The following CDC42SE2 variants were observed in gnomAD, a reference collection of about 807,000 sequenced individuals.
CDC42SE2 encodes the protein CDC42 small effector protein 2.
In CDC42SE2, 3 loss-of-function variants were observed where a neutral mutation model predicts 11.5. The ratio of observed to expected loss-of-function variants is 0.26; its 90% confidence interval spans 0.12 to 0.67. The LOEUF (loss-of-function observed/expected upper bound fraction) is 0.67, where lower values mean the gene tolerates loss of function less well. Ranked by LOEUF, CDC42SE2 falls within the 30% of genes least tolerant of loss-of-function variation. The probability of loss-of-function intolerance (pLI) is 0.80; values close to 1 mark genes in which losing one functional copy is unlikely to be tolerated. For missense variants in CDC42SE2, 82 were observed against 106.8 expected (o/e 0.77, Z 1.02); for synonymous variants, 33 against 34.8 (o/e 0.95, Z 0.18).
the CDC42SE2 span, among the ~76,000 whole-genome samples, chr5:131,219,905 C>G: frequency 6.6e-6 from 1 of 152,086 alleles, no homozygotes; most frequent in East Asian, 1.9e-4. Context: ...CCACTGCACT[C>G]CAGCCTGGGC....
At chr5:131,220,413 G>A in the CDC42SE2 span, among the ~76,000 whole-genome samples, 2 of 152,076 alleles carry the variant, frequency 1.3e-5, no homozygotes, top group Non-Finnish European at 2.9e-5. Flanking sequence ...CACCGTGTTA[G>A]CCAGGATGGT....
At chr5:131,256,443 A>T (rs1756680700) in intron 2 of CDC42SE2, among the ~76,000 whole-genome samples, 1 of 152,190 alleles carries the variant, frequency 6.6e-6, no homozygotes, top group Admixed American at 6.5e-5. Flanking sequence ...GTGACAAATT[A>T]ATATAAACTT....
chr5:131,379,192 T>C (rs1295748928), intron 3 of CDC42SE2, among the ~76,000 whole-genome samples: 1 of 152,246 alleles, frequency 6.6e-6, no homozygotes, highest in African/African-American at 2.4e-5. Flanking sequence ...AAGTTCCAGC[T>C]TTTTTCACTG....
intron 2 of CDC42SE2, among the ~76,000 whole-genome samples, chr5:131,327,826 G>A (rs1232447104): frequency 6.6e-6 from 1 of 152,134 alleles, no homozygotes; most frequent in Admixed American, 6.6e-5. Context: ...TACATAATAT[G>A]TGATATACAT....
chr5:131,327,941 A>G (rs1011705117), intron 2 of CDC42SE2, among the ~76,000 whole-genome samples: 16 of 152,160 alleles, frequency 1.1e-4, no homozygotes, highest in African/African-American at 3.9e-4. Context: ...AATGAACCAG[A>G]AGTGTATTGG....
intron 2 of CDC42SE2, among the ~76,000 whole-genome samples, chr5:131,341,358 C>T (rs935569810): frequency 7.2e-5 from 11 of 152,166 alleles, no homozygotes; most frequent in African/African-American, 2.4e-4. Flanking sequence ...TCTCACAACC[C>T]TGGAAGTTAG....
chr5:131,267,609 A>C (rs953496097), intron 1 of CDC42SE2, among the ~76,000 whole-genome samples: 1 of 152,166 alleles, frequency 6.6e-6, no homozygotes, highest in African/African-American at 2.4e-5. Flanking sequence ...GTGATTAATA[A>C]AGTGATTAAT....
At chr5:131,362,934 C>G (rs1408787834) in intron 3 of CDC42SE2, among the ~76,000 whole-genome samples, 1 of 151,972 alleles carries the variant, frequency 6.6e-6, no homozygotes, top group Non-Finnish European at 1.5e-5. Context: ...ATTGCCTGAG[C>G]TCAGGAGTTC....
intron 3 of CDC42SE2, among the ~76,000 whole-genome samples, chr5:131,372,929 A>G (rs1315420538): frequency 6.6e-6 from 1 of 152,184 alleles, no homozygotes; most frequent in Non-Finnish European, 1.5e-5. Flanking sequence ...TGCTCTTATT[A>G]TGGATGTTGA....
intron 2 of CDC42SE2, among the ~76,000 whole-genome samples, chr5:131,356,058 G>A (rs1171994866): frequency 6.6e-6 from 1 of 152,166 alleles, no homozygotes; most frequent in African/African-American, 2.4e-5. Flanking sequence ...GTTCCATGAT[G>A]TTCTCTTTAA....
At chr5:131,225,430 A>G in the CDC42SE2 span, among the ~76,000 whole-genome samples, 2 of 152,234 alleles carry the variant, frequency 1.3e-5, no homozygotes, top group South Asian at 2.1e-4. Flanking sequence ...CAAGGTCAAG[A>G]TTTCTGAAAA....
intron 1 of CDC42SE2, among the ~76,000 whole-genome samples, chr5:131,280,300 C>T (rs1326693673): frequency 6.6e-6 from 1 of 152,148 alleles, no homozygotes; most frequent in Non-Finnish European, 1.5e-5. Flanking sequence ...AATCCTACCA[C>T]CCTAAAATAT....
At chr5:131,378,508 T>C (rs2149784755) in intron 3 of CDC42SE2, among the ~76,000 whole-genome samples, 1 of 152,268 alleles carries the variant, frequency 6.6e-6, no homozygotes, top group East Asian at 1.9e-4. Flanking sequence ...ATTTCAGAGG[T>C]TCCCAAACTT....
At chr5:131,286,998 T>C (rs1189499233) in intron 1 of CDC42SE2, among the ~76,000 whole-genome samples, 1 of 152,058 alleles carries the variant, frequency 6.6e-6, no homozygotes, top group Non-Finnish European at 1.5e-5. Context: ...ACTATTTTAT[T>C]CTATTTTATT....
chr5:131,214,027 G>C, the CDC42SE2 span, among the ~76,000 whole-genome samples: 3 of 152,310 alleles, frequency 2.0e-5, no homozygotes, highest in East Asian at 5.8e-4. Context: ...TGGAAGACCA[G>C]CAAGGAAGTA....
intron 2 of CDC42SE2, among the ~76,000 whole-genome samples, chr5:131,330,159 T>G (rs1758390779): frequency 6.6e-6 from 1 of 152,108 alleles, no homozygotes; most frequent in African/African-American, 2.4e-5. Flanking sequence ...CTAGGAAGGC[T>G]GGAAGGCTAA....
the CDC42SE2 span, among the ~76,000 whole-genome samples, chr5:131,222,953 A>G: frequency 6.6e-6 from 1 of 152,320 alleles, no homozygotes; most frequent in Non-Finnish European, 1.5e-5. Context: ...CAGCCCTCTC[A>G]CCCTGAAAGG....
intron 1 of CDC42SE2, among the ~76,000 whole-genome samples, chr5:131,299,629 A>G (rs1757640274): frequency 6.6e-6 from 1 of 152,188 alleles, no homozygotes; most frequent in African/African-American, 2.4e-5. Flanking sequence ...GTGGAGCTGC[A>G]CTACATGCAG....
chr5:131,381,892 T>G (rs1203868847), intron 3 of CDC42SE2, among the ~76,000 whole-genome samples: 1 of 152,232 alleles, frequency 6.6e-6, no homozygotes, highest in African/African-American at 2.4e-5. Flanking sequence ...TGTGATCTGG[T>G]TCTTGCTTAT....
Sources: gnomAD v4.1 joint callset for allele counts (sites outside exome capture counted in the v4.1 genomes callset) on GRCh38, gnomAD v4.1.1 for gene constraint, MANE v1.5 for transcripts, NCBI Gene and HGNC (gene_info 2026-07-23, HGNC 2026-07-21) for gene names.